Variants in CHST9 observed in about 807,000 individuals in gnomAD.
The protein encoded by CHST9 is carbohydrate sulfotransferase 9, also known as GalNAc-4-sulfotransferase 2.
In CHST9, 41 loss-of-function variants were observed where a neutral mutation model predicts 44.4. That is an observed-to-expected ratio of 0.92 (90% CI 0.72 to 1.20). The LOEUF is 1.20. Ranked by LOEUF, CHST9 falls within the 50% of genes most tolerant of loss-of-function variation. The pLI, the probability that CHST9 is intolerant of heterozygous loss-of-function variation, is 0.00. For missense variants in CHST9, 504 were observed against 516.5 expected (o/e 0.98, Z 0.23); for synonymous variants, 171 against 178.4 (o/e 0.96, Z 0.33).
intron 2 of CHST9, among the ~76,000 whole-genome samples, chr18:27,141,201 T>TC (rs1244078652): frequency 2.7e-5 from 4 of 150,266 alleles, no homozygotes; most frequent in African/African-American, 9.8e-5. Context: ...TACTAAAAAT[T>TC]CAAAAAAAAA....
chr18:27,126,538 G>A (rs1301585934), intron 2 of CHST9, among the ~76,000 whole-genome samples: 1 of 152,164 alleles, frequency 6.6e-6, no homozygotes, highest in Non-Finnish European at 1.5e-5. Context: ...AGAGGCCTAG[G>A]GTTGAGAGAT....
rs2057254254 is a variant in CHST9 at position 27,023,938 on chromosome 18, C to T, written c.202+178G>A. Among the ~76,000 whole-genome samples, 1 of 152,088 alleles carries T rather than the reference C, an allele frequency of 6.6e-6. No individual in the cohort carries two copies. Among genetic ancestry groups the T allele is most frequent in the Non-Finnish European group, 1.5e-5 (1 of 67,994 alleles). ...ATCGTGGTTTGCTTGCTTTTTCTCC[C>T]CACCCTCCAAGACTTTACGCACTCC... On this transcript the variant is annotated intron_variant, in intron 4 of 5. Coordinates refer to ENST00000618847, the MANE Select transcript of CHST9 (RefSeq NM_031422.6).
chr18:27,087,478 T>G (rs993321647), intron 2 of CHST9, among the ~76,000 whole-genome samples: 18 of 152,166 alleles, frequency 1.2e-4, no homozygotes, highest in Middle Eastern at 3.2e-3. Flanking sequence ...TATTCAATCA[T>G]TCATTTTTTC....
intron 1 of CHST9, among the ~76,000 whole-genome samples, chr18:27,160,689 G>A (rs1029305776): frequency 6.6e-6 from 1 of 152,056 alleles, no homozygotes; most frequent in African/African-American, 2.4e-5. Flanking sequence ...GGAATGGTAC[G>A]AGCTCCTCCT....
intron 2 of CHST9, among the ~76,000 whole-genome samples, chr18:27,085,204 G>A (rs1480689126): frequency 6.6e-6 from 1 of 151,966 alleles, no homozygotes; most frequent in Non-Finnish European, 1.5e-5. Flanking sequence ...TTGGACATAG[G>A]CCCTGGCAAA....
chr18:27,014,045 A>G (rs544143820), intron 4 of CHST9, among the ~76,000 whole-genome samples: 14 of 152,332 alleles, frequency 9.2e-5, no homozygotes, highest in Admixed American at 7.2e-4. Context: ...TGCAACAAAT[A>G]TTAAATAACA....
intron 2 of CHST9, among the ~76,000 whole-genome samples, chr18:27,095,629 A>G (rs2058109306): frequency 6.6e-6 from 1 of 152,174 alleles, no homozygotes; most frequent in Admixed American, 6.5e-5. Flanking sequence ...AAAAGAGCAG[A>G]GATTGCTATT....
chr18:26,936,528 G>C (rs116708641), intron 5 of CHST9: 1 of 152,252 alleles, frequency 6.6e-6, no homozygotes, highest in African/African-American at 2.4e-5. Flanking sequence ...TCTATACGGA[G>C]GTGATGAGTT....
Position 27,021,599 on chromosome 18 carries a change from T to C in CHST9, c.202+2517A>G, listed in dbSNP as rs145054075. Among the ~76,000 whole-genome samples the C allele has an allele frequency of 5.9e-3, 906 of 152,322 alleles. 6 individuals are homozygous for C. Among genetic ancestry groups the C allele is most frequent in the South Asian group, 0.033 (160 of 4,822 alleles). On this transcript the variant is annotated intron_variant, in intron 4 of 5. Transcript: ENST00000618847. ...TACCTGCAAACTCATGTTTTCAGGA[T>C]GGGCTTTTAATTCCGCTCAAAAATA...
At chr18:27,053,287 A>AAGAAGAG (rs1568151362) in intron 2 of CHST9, among the ~76,000 whole-genome samples, 3 of 136,706 alleles carry the variant, frequency 2.2e-5, no homozygotes, top group African/African-American at 8.3e-5. Context: ...AAGGAGAAGG[A>AAGAAGAG]GAAGGAGAAG....
intron 4 of CHST9, among the ~76,000 whole-genome samples, chr18:26,969,157 C>T (rs548394803): frequency 6.6e-6 from 1 of 152,170 alleles, no homozygotes; most frequent in South Asian, 2.1e-4. Context: ...CGCCACCGTG[C>T]CTGGCTAATT....
chr18:27,121,514 G>A (rs185686483), intron 2 of CHST9, among the ~76,000 whole-genome samples: 46 of 152,300 alleles, frequency 3.0e-4, no homozygotes, highest in Non-Finnish European at 5.9e-5. Flanking sequence ...TGGTACATAG[G>A]TTAGCAGAAG....
intron 2 of CHST9, among the ~76,000 whole-genome samples, chr18:27,094,094 T>C (rs1317589740): frequency 6.6e-6 from 1 of 152,208 alleles, no homozygotes; most frequent in Non-Finnish European, 1.5e-5. Context: ...TGGAAACTAA[T>C]TTTTTCCTAC....
chr18:27,172,147 T>C (rs2058838258), intron 1 of CHST9, among the ~76,000 whole-genome samples: 1 of 152,164 alleles, frequency 6.6e-6, no homozygotes, highest in Admixed American at 6.5e-5. Context: ...AAACTTAGAG[T>C]ACAAATAGCT....
chr18:27,173,716 T>G (rs1261217215), intron 1 of CHST9, among the ~76,000 whole-genome samples: 1 of 151,982 alleles, frequency 6.6e-6, no homozygotes, highest in Admixed American at 6.6e-5. Context: ...GAAGACACTC[T>G]GTTAATTAAA....
intron 4 of CHST9, among the ~76,000 whole-genome samples, chr18:26,994,615 G>A (rs559614559): frequency 2.8e-4 from 42 of 151,992 alleles, no homozygotes; most frequent in Non-Finnish European, 4.7e-4. Flanking sequence ...GGGTGGACAG[G>A]GTTTTGCTCT....
At chr18:27,118,376 C>G (rs2058346923) in intron 2 of CHST9, among the ~76,000 whole-genome samples, 1 of 151,248 alleles carries the variant, frequency 6.6e-6, no homozygotes, top group Non-Finnish European at 1.5e-5. Context: ...TTATGCAGAA[C>G]AGTTTTTAAT....
chr18:26,917,184 C>T lies in CHST9; in HGVS notation c.407G>A (p.Arg136His), dbSNP rs374325307. ...GSPTEKLIEKRQGAKTVFNKF... is the reference protein window; with the variant it reads ...GSPTEKLIEKHQGAKTVFNKF... Reference sequence around the variant, plus strand: ...GTTAAAAACAGTCTTAGCTCCTTGACGTTTTTCAATCAACTTCTCTGTTGG... The same window carrying T: ...GTTAAAAACAGTCTTAGCTCCTTGATGTTTTTCAATCAACTTCTCTGTTGG... Residue 136 changes from arginine (R) to histidine (H), a missense_variant, in exon 6 of 6, where the codon CGT (arginine) becomes CAT (histidine). Physicochemically the swap from Arg to His is conservative, Grantham distance 29. Transcript: ENST00000618847. The T allele has an allele frequency of 2.1e-5, 34 of 1,613,744 alleles. No individual in the cohort carries two copies. Among genetic ancestry groups the T allele is most frequent in the Non-Finnish European group, 2.6e-5 (31 of 1,179,846 alleles).
At chr18:27,061,423 T>A (rs1035896565) in intron 2 of CHST9, among the ~76,000 whole-genome samples, 1 of 152,198 alleles carries the variant, frequency 6.6e-6, no homozygotes, top group Non-Finnish European at 1.5e-5. Flanking sequence ...GGCGTGAGAC[T>A]CTTCCCCAGC....
Sources: allele counts gnomAD v4.1 joint callset (sites outside exome capture counted in the v4.1 genomes callset), GRCh38; gene constraint gnomAD v4.1.1; transcripts MANE v1.5; gene names NCBI Gene and HGNC (gene_info 2026-07-23, HGNC 2026-07-21).